Variants in NCKAP1 observed in about 807,000 individuals in gnomAD.
The protein encoded by NCKAP1 is nck-associated protein 1.
A neutral mutation model predicts 151.2 loss-of-function variants in NCKAP1; 21 were observed. The ratio of observed to expected loss-of-function variants is 0.14; its 90% CI spans 0.10 to 0.20. The LOEUF (loss-of-function observed/expected upper bound fraction) is 0.20, where lower values mean the gene tolerates loss of function less well. Ranked by LOEUF, NCKAP1 falls within the 10% of genes least tolerant of loss-of-function variation. The probability of loss-of-function intolerance (pLI) is 1.00; values close to 1 mark genes in which losing one functional copy is unlikely to be tolerated. For synonymous variants in NCKAP1, 484 were observed against 451.8 expected (o/e 1.07, Z -0.90); for missense variants, 933 against 1,352.1 (o/e 0.69, Z 4.86).
At chr2:182,973,055 TATG>T in intron 15 of NCKAP1, among the ~76,000 whole-genome samples, 1 of 152,278 alleles carries the variant, frequency 6.6e-6, no homozygotes, top group East Asian at 1.9e-4. Context: ...ATGTTTCCAA[TATG>T]ATGATATGTG....
chr2:183,002,091 G>C (rs1698385002), intron 5 of NCKAP1, 36 bp downstream of exon 5: 1 of 1,612,096 alleles, frequency 6.2e-7, no homozygotes, highest in Non-Finnish European at 8.5e-7. Flanking sequence ...CCATCAAACT[G>C]AGCATTTTAG....
In NCKAP1 at chr2:182,918,248, C is replaced by T. The variant is rs1696496268; in HGVS notation, c.*7454G>A. 1 of 151,988 alleles carries T rather than the reference C, an allele frequency of 6.6e-6. No individual in the cohort carries two copies. The highest frequency in any genetic ancestry group is 1.5e-5 in the Non-Finnish European group (1 of 68,000). The allele number at this position is 151,988 out of a possible 1,614,324, so 9.4% of individuals were successfully genotyped here. A position where few individuals can be genotyped will look rare whatever the true frequency, so the allele number is the denominator to read the frequency against. ...GTATCAAGAGTAGCATAATGTAAGCCCTCATTGTTATTTTTTTTGTCCCTC... is the reference window on the plus strand; with the variant it reads ...GTATCAAGAGTAGCATAATGTAAGCTCTCATTGTTATTTTTTTTGTCCCTC... On this transcript the variant is annotated 3_prime_UTR_variant, in exon 31 of 31. Transcript: ENST00000361354.
At chr2:182,973,372 G>A (rs972197086) in intron 15 of NCKAP1, among the ~76,000 whole-genome samples, 11 of 152,006 alleles carry the variant, frequency 7.2e-5, no homozygotes, top group East Asian at 1.9e-4. Context: ...GAAGACAGAC[G>A]AGAGAAGATA....
rs561443617 is a variant in NCKAP1 at position 182,985,351 on chromosome 2, T to A, written c.1004+820A>T. Among the ~76,000 whole-genome samples, 246 of 152,236 alleles carry A rather than the reference T, an allele frequency of 1.6e-3. 2 individuals carry two copies. Among genetic ancestry groups the A allele is most frequent in the African/African-American group, 5.3e-3 (221 of 41,518 alleles). On this transcript the variant is annotated intron_variant, in intron 10 of 30. Coordinates refer to ENST00000361354, the MANE Select transcript of NCKAP1 (RefSeq NM_013436.5). ...GAGAAAATATTCTATATTAAGTATA[T>A]CATATATGTAACAAAGTGAAATATC...
At chr2:183,036,817 AAG>A (rs1410034392) in intron 1 of NCKAP1, among the ~76,000 whole-genome samples, 2 of 151,816 alleles carry the variant, frequency 1.3e-5, no homozygotes, top group African/African-American at 2.4e-5. Flanking sequence ...TGAATTTCCA[AAG>A]AAAAAAAAAA....
In NCKAP1 at chr2:182,964,823, A is replaced by C. The variant is rs769472372; in HGVS notation, c.1629-15T>G. 1 of 1,573,710 alleles carries C rather than the reference A, an allele frequency of 6.4e-7. No homozygotes were observed. Among genetic ancestry groups the C allele is most frequent in the East Asian group, 2.3e-5 (1 of 43,696 alleles). ...GACTATAAAAACTATATAAACAAAA[A>C]TCAGAATCACAATTTTTACATTTAA... On this transcript the variant is annotated splice_polypyrimidine_tract_variant and intron_variant, in intron 16 of 30. Transcript: ENST00000361354.
Position 182,913,109 on chromosome 2 carries a change from A to G in NCKAP1, c.*12593T>C, listed in dbSNP as rs573303333. 1 of 152,308 alleles carries G rather than the reference A, an allele frequency of 6.6e-6. No homozygotes were observed. The highest frequency in any genetic ancestry group is 1.9e-4 in the East Asian group (1 of 5,184). The allele number at this position is 152,308 out of a possible 1,614,324, so 9.4% of individuals were successfully genotyped here. A position where few individuals can be genotyped will look rare whatever the true frequency, so the allele number is the denominator to read the frequency against. On this transcript the variant is annotated 3_prime_UTR_variant, in exon 31 of 31. Transcript: ENST00000361354. ...TGATGAGTAGTGACCCTAGTTTTACAGTCAAGATCAAACATGTAAAGTCTG... is the reference window on the plus strand; with the variant it reads ...TGATGAGTAGTGACCCTAGTTTTACGGTCAAGATCAAACATGTAAAGTCTG...
Position 183,038,181 on chromosome 2 carries a change from C to T in NCKAP1, c.-82G>A, listed in dbSNP as rs969303763. ...GGCCTTCGCAGCAGCCTCTCTCGGG[C>T]CTCCTCCCCTCCCGCCCGCGACCTC... On this transcript the variant is annotated 5_prime_UTR_variant, in exon 1 of 31. Coordinates refer to ENST00000361354, the MANE Select transcript of NCKAP1 (RefSeq NM_013436.5). 22 of 932,458 alleles carry T rather than the reference C, an allele frequency of 2.4e-5. No homozygotes were observed. In the African/African-American group the frequency reaches 3.9e-4, roughly 16 times the overall value. 57.8% of individuals were successfully genotyped at this position (932,458 alleles called of 1,614,324 possible).
rs953149985 is a variant in NCKAP1, at chr2:182,927,988, A to G, written c.3180+129T>C. 66 of 574,158 alleles carry G rather than the reference A, an allele frequency of 1.1e-4. 1 individual carries two copies. In the East Asian group the frequency reaches 1.6e-3, roughly 14 times the overall value. The allele number at this position is 574,158 out of a possible 1,614,324, so 35.6% of individuals were successfully genotyped here. A position where few individuals can be genotyped will look rare whatever the true frequency, so the allele number is the denominator to read the frequency against. On this transcript the variant is annotated intron_variant, in intron 29 of 30. Coordinates refer to ENST00000361354, the MANE Select transcript of NCKAP1 (RefSeq NM_013436.5). Reference sequence around the variant, plus strand: ...TCATATACCTGAGAAAATAATTTGAAAACAAAATGCCATTAGAGGACACTA... The same window carrying G: ...TCATATACCTGAGAAAATAATTTGAGAACAAAATGCCATTAGAGGACACTA...
chr2:183,013,787 C>T (rs553611471), intron 2 of NCKAP1, among the ~76,000 whole-genome samples: 14 of 152,292 alleles, frequency 9.2e-5, no homozygotes, highest in Admixed American at 9.2e-4. Context: ...ACCACTGGCA[C>T]TTCATGTCCT....
intron 13 of NCKAP1, among the ~76,000 whole-genome samples, chr2:182,980,409 T>G (rs1306259662): frequency 6.6e-6 from 1 of 152,054 alleles, no homozygotes; most frequent in Non-Finnish European, 1.5e-5. Context: ...AACTAGCAGC[T>G]TTAGAGAAGT....
chr2:182,953,155 T>C lies in NCKAP1; in HGVS notation c.2330A>G (p.Asp777Gly). The change falls in exon 21 of 31, where the codon GAC becomes GGC. Residue 777 changes from aspartate to glycine, a missense_variant. Asp to Gly is a moderately conservative substitution (Grantham distance 94). Transcript: ENST00000361354. ...NVLLQQTQHLDSHGEPTITSL... is the reference protein window; with the variant it reads ...NVLLQQTQHLGSHGEPTITSL... Reference sequence around the variant, plus strand: ...TGTAATGGTTGGCTCTCCATGACTGTCTAAATGTTGTGTTTGTTGAAGAAG... The same window carrying C: ...TGTAATGGTTGGCTCTCCATGACTGCCTAAATGTTGTGTTTGTTGAAGAAG... 1 of 1,613,590 alleles carries C rather than the reference T, an allele frequency of 6.2e-7. No individual in the cohort carries two copies. The highest frequency in any genetic ancestry group is 8.5e-7 in the Non-Finnish European group (1 of 1,179,622).
In NCKAP1 at chr2:182,910,834, G is replaced by A. The variant is rs1696374821; in HGVS notation, c.*14868C>T. The A allele has an allele frequency of 6.6e-6, 1 of 152,008 alleles. No homozygotes were observed. Among genetic ancestry groups the A allele is most frequent in the South Asian group, 2.1e-4 (1 of 4,826 alleles). The allele number at this position is 152,008 out of a possible 1,614,324, so 9.4% of individuals were successfully genotyped here. A position where few individuals can be genotyped will look rare whatever the true frequency, so the allele number is the denominator to read the frequency against. On this transcript the variant is annotated 3_prime_UTR_variant, in exon 31 of 31. Coordinates refer to ENST00000361354, the MANE Select transcript of NCKAP1 (RefSeq NM_013436.5). ...AACACTGGCTTATCAGCAACCTTCA[G>A]AGAAAGTTACTGAGAAGAAGGTGAT...
intron 8 of NCKAP1, among the ~76,000 whole-genome samples, chr2:182,993,563 T>C (rs192755980): frequency 6.6e-6 from 1 of 152,184 alleles, no homozygotes; most frequent in African/African-American, 2.4e-5. Context: ...AATGAATTCA[T>C]ATCCTTTGCA....
At chr2:182,954,363 C>T (rs72886577) in intron 20 of NCKAP1, among the ~76,000 whole-genome samples, 5,068 of 152,260 alleles carry the variant, frequency 0.033, 110 homozygotes, top group Non-Finnish European at 0.04. Flanking sequence ...CTGACCACCC[C>T]TATTTCACTT....
rs1411337184 is a variant in NCKAP1, at chr2:182,957,591, T to C, written c.1887A>G (p.Leu629=). The C allele has an allele frequency of 6.2e-7, 1 of 1,610,264 alleles. No individual in the cohort carries two copies. The highest frequency in any genetic ancestry group is 1.7e-5 in the Admixed American group (1 of 59,146). ...TGATAGTTTTGGCACAATGCTTGGG[T>C]AGCAACTAAATTTAGAAAAGAATGA... The part of the protein sequence containing the change: ...TEQCTLSDQL[L]PKHCAKTISQ... The change falls in exon 19 of 31, where the codon CTA becomes CTG. Residue 629 remains leucine, a synonymous_variant. Transcript: ENST00000361354.
chr2:183,034,582 T>C (rs1451820602), intron 1 of NCKAP1, among the ~76,000 whole-genome samples: 3 of 152,132 alleles, frequency 2.0e-5, no homozygotes, highest in Non-Finnish European at 2.9e-5. Context: ...AATGTTTTCT[T>C]TGGGTATTTG....
intron 1 of NCKAP1, among the ~76,000 whole-genome samples, chr2:183,027,300 CGA>C (rs1223091782): frequency 6.6e-6 from 1 of 152,066 alleles, no homozygotes; most frequent in African/African-American, 2.4e-5. Flanking sequence ...GTAGACTTTA[CGA>C]GAGTATTTGG....
chr2:182,943,549 T>C (rs1697039568), intron 23 of NCKAP1, among the ~76,000 whole-genome samples: 1 of 152,066 alleles, frequency 6.6e-6, no homozygotes. Context: ...TGCCCAAGCC[T>C]GATAGTGACC....
Sources: allele counts gnomAD v4.1 joint callset (sites outside exome capture counted in the v4.1 genomes callset), GRCh38; gene constraint gnomAD v4.1.1; transcripts MANE v1.5; gene names NCBI Gene and HGNC (gene_info 2026-07-23, HGNC 2026-07-21).